Variants in KALRN observed in about 807,000 individuals in gnomAD.
KALRN encodes the protein kalirin.
In KALRN, 70 loss-of-function variants were observed where a neutral mutation model predicts 353.7. The observed-to-expected ratio is 0.20, with a 90% CI of 0.16 to 0.24. The LOEUF (loss-of-function observed/expected upper bound fraction) is 0.24, where lower values mean the gene tolerates loss of function less well. Ranked by LOEUF, KALRN falls within the 10% of genes least tolerant of loss-of-function variation. KALRN has a pLI of 1.00. For missense variants in KALRN, 2,791 were observed against 3,756.7 expected, an observed-to-expected ratio of 0.74 and a Z score of 6.72; for synonymous variants, 1,391 against 1,434.8, an observed-to-expected ratio of 0.97 and a Z score of 0.69.
chr3:124,593,814 A>G (rs967144695), intron 34 of KALRN, among the ~76,000 whole-genome samples: 1 of 152,106 alleles, frequency 6.6e-6, no homozygotes, highest in African/African-American at 2.4e-5. Context: ...CTTTCTTCTC[A>G]CTTAAGATTA....
At chr3:124,096,231 G>A (rs2061438018) in intron 1 of KALRN, 1 of 152,350 alleles carries the variant, frequency 6.6e-6, no homozygotes, top group East Asian at 1.9e-4. Context: ...TTCGTAAAAA[G>A]GGGTGATGAT....
At chr3:124,403,445 T>G (rs2091121449) in intron 13 of KALRN, among the ~76,000 whole-genome samples, 1 of 152,194 alleles carries the variant, frequency 6.6e-6, no homozygotes, top group African/African-American at 2.4e-5. Flanking sequence ...ATGGGCCACC[T>G]TTATGGTTTT....
chr3:124,167,563 T>C (rs184745993), intron 1 of KALRN, among the ~76,000 whole-genome samples: 8 of 152,374 alleles, frequency 5.3e-5, no homozygotes, highest in Admixed American at 5.2e-4. Context: ...CATTTTGTTA[T>C]TGAAGTGATC....
intron 53 of KALRN, among the ~76,000 whole-genome samples, chr3:124,695,376 T>C (rs915489036): frequency 3.9e-5 from 6 of 152,184 alleles, no homozygotes; most frequent in Non-Finnish European, 7.3e-5. Flanking sequence ...TGACTTAATT[T>C]GTGTGTATGG....
chr3:124,147,298 G>T lies in KALRN; in HGVS notation c.74-80692G>T, dbSNP rs371715758. ...AGAATACGAATGAGGAGAAGGCCCT[G>T]CAGATTCAGATCATGGAGCATCTTC... On this transcript the variant is annotated intron_variant, in intron 1 of 59. Transcript: ENST00000682506. Among the ~76,000 whole-genome samples the T allele has an allele frequency of 9.6e-4, 146 of 152,274 alleles. 2 individuals are homozygous for T. The South Asian group carries it at 0.013, about 14-fold the overall frequency.
chr3:124,632,276 G>A (rs932550559), intron 34 of KALRN, 144 bp from the exon 35 acceptor site: 28 of 710,618 alleles, frequency 3.9e-5, no homozygotes, highest in Non-Finnish European at 5.3e-5. Flanking sequence ...CTGTTGTTGA[G>A]AGGGTTCTCT....
intron 1 of KALRN, among the ~76,000 whole-genome samples, chr3:124,155,104 T>C (rs919583300): frequency 3.9e-5 from 6 of 152,200 alleles, no homozygotes; most frequent in African/African-American, 1.4e-4. Context: ...ATACAAAAAT[T>C]AATTCAAGAT....
At chr3:124,713,829 A>G (rs982103486) in intron 58 of KALRN, among the ~76,000 whole-genome samples, 7 of 152,198 alleles carry the variant, frequency 4.6e-5, no homozygotes, top group Non-Finnish European at 8.8e-5. Context: ...CCCTTGGCCT[A>G]GACAGGAGAC....
chr3:124,107,693 C>T (rs746872371), intron 1 of KALRN, among the ~76,000 whole-genome samples: 4 of 152,128 alleles, frequency 2.6e-5, no homozygotes, highest in Non-Finnish European at 4.4e-5. Context: ...GGCTGGACTG[C>T]GCTGGCAGAG....
chr3:124,477,501 T>G (rs1356328270), intron 27 of KALRN, among the ~76,000 whole-genome samples, 167 bp downstream of exon 27: 1 of 152,246 alleles, frequency 6.6e-6, no homozygotes, highest in East Asian at 1.9e-4. Flanking sequence ...TGTCTGTATT[T>G]TGTTTTATCT....
intron 34 of KALRN, among the ~76,000 whole-genome samples, chr3:124,567,898 C>G (rs183803487): frequency 1.3e-5 from 2 of 152,224 alleles, no homozygotes; most frequent in East Asian, 3.9e-4. Flanking sequence ...TTGCTTGAGC[C>G]TGAGGGTTCA....
chr3:124,541,132 G>A (rs1050738768), intron 33 of KALRN, among the ~76,000 whole-genome samples: 9 of 152,134 alleles, frequency 5.9e-5, no homozygotes, highest in Non-Finnish European at 1.2e-4. Context: ...AGGTTTTTGT[G>A]TATATGTGTT....
intron 38 of KALRN, among the ~76,000 whole-genome samples, chr3:124,654,333 G>A (rs1431437720): frequency 6.6e-6 from 1 of 152,200 alleles, no homozygotes; most frequent in Non-Finnish European, 1.5e-5. Context: ...TTGCCCAGAG[G>A]CCCCAGGCTC....
At chr3:124,183,277 T>C (rs2073844970) in intron 1 of KALRN, among the ~76,000 whole-genome samples, 1 of 152,190 alleles carries the variant, frequency 6.6e-6, no homozygotes, top group Admixed American at 6.5e-5. Context: ...TGGCTCATGG[T>C]TCTGCAGGCT....
At chr3:124,447,800 A>T (rs1191298832) in intron 21 of KALRN, among the ~76,000 whole-genome samples, 2 of 152,148 alleles carry the variant, frequency 1.3e-5, no homozygotes, top group Non-Finnish European at 2.9e-5. Context: ...CACTCTATGA[A>T]TCTTTTCCTA....
chr3:124,552,914 C>T (rs1203846702), intron 33 of KALRN, among the ~76,000 whole-genome samples: 5 of 152,070 alleles, frequency 3.3e-5, no homozygotes, highest in African/African-American at 1.2e-4. Context: ...TGCAGGCGCC[C>T]GCCACCATGC....
At chr3:124,682,346 ATG>A (rs753532694) in intron 51 of KALRN, among the ~76,000 whole-genome samples, 268 of 152,232 alleles carry the variant, frequency 1.8e-3, no homozygotes, top group Middle Eastern at 6.8e-3. Context: ...CTCTCTGGGA[ATG>A]TGTCTGTTAC....
At chr3:124,288,052 C>A (rs191640390) in intron 5 of KALRN, among the ~76,000 whole-genome samples, 1 of 151,378 alleles carries the variant, frequency 6.6e-6, no homozygotes, top group Admixed American at 6.6e-5. Flanking sequence ...TTTTTGTATT[C>A]TTATTAGAGA....
In KALRN at chr3:124,724,294, C is replaced by T. The variant is rs925340456; in HGVS notation, c.*4824C>T. 1 of 152,172 alleles carries T rather than the reference C, an allele frequency of 6.6e-6. No individual in the cohort carries two copies. The highest frequency in any genetic ancestry group is 1.5e-5 in the Non-Finnish European group (1 of 68,026). 9.4% of individuals were successfully genotyped at this position (152,172 alleles called of 1,614,324 possible). A position where few individuals can be genotyped will look rare whatever the true frequency, so the allele number is the denominator to read the frequency against. On this transcript the variant is annotated 3_prime_UTR_variant, in exon 60 of 60. Transcript: ENST00000682506. The stretch of plus-strand genomic sequence containing the variant: ...TCTTTGTAGTAGGGCAAAGTTCAAA[C>T]TCACCATGTCCTTATTCAGTATGGT...
Sources: gnomAD v4.1 joint callset for allele counts (sites outside exome capture counted in the v4.1 genomes callset) on GRCh38, gnomAD v4.1.1 for gene constraint, MANE v1.5 for transcripts, NCBI Gene and HGNC (gene_info 2026-07-23, HGNC 2026-07-21) for gene names.